ADAM18: variants seen among roughly 807,000 people sequenced by gnomAD.
The protein encoded by ADAM18 is ADAM metallopeptidase domain 18.
ADAM18 carries 117 observed loss-of-function variants against 94.4 expected under a neutral mutation model. The ratio of observed to expected loss-of-function variants is 1.24; its 90% CI spans 1.07 to 1.45. The LOEUF (loss-of-function observed/expected upper bound fraction) is 1.45, where lower values mean the gene tolerates loss of function less well. ADAM18 is among the 40% of genes most tolerant of loss of function. The probability of loss-of-function intolerance (pLI) is 0.00; values close to 1 mark genes in which losing one functional copy is unlikely to be tolerated. For synonymous variants in ADAM18, 327 were observed against 291.6 expected (o/e 1.12, Z -1.24); for missense variants, 936 against 880.0 (o/e 1.06, Z -0.81).
chr8:39,693,490 T>G (rs1040901585), intron 17 of ADAM18, among the ~76,000 whole-genome samples: 28 of 151,246 alleles, frequency 1.9e-4, no homozygotes, highest in African/African-American at 6.8e-4. Context: ...TTACAATATC[T>G]CAACACAAAG....
chr8:39,625,400 T>C (rs535921023), intron 6 of ADAM18, among the ~76,000 whole-genome samples: 2 of 152,308 alleles, frequency 1.3e-5, no homozygotes, highest in East Asian at 3.9e-4. Context: ...CCTGAGACTT[T>C]ACATAATTCA....
chr8:39,637,833 T>C, intron 9 of ADAM18, 130 bp downstream of exon 9: 1 of 723,972 alleles, frequency 1.4e-6, no homozygotes, highest in Non-Finnish European at 2.0e-6. Flanking sequence ...GTAGCCTTTG[T>C]CATAGAGGTG....
At chr8:39,680,958 C>A (rs1431038864) in intron 16 of ADAM18, among the ~76,000 whole-genome samples, 3 of 152,174 alleles carry the variant, frequency 2.0e-5, no homozygotes, top group South Asian at 4.1e-4. Flanking sequence ...ACCCTAATCC[C>A]TTGAGAAACC....
chr8:39,599,919 T>C (rs1457396572), intron 2 of ADAM18, among the ~76,000 whole-genome samples: 2 of 152,040 alleles, frequency 1.3e-5, no homozygotes, highest in Non-Finnish European at 2.9e-5. Context: ...TTCCTTTTCC[T>C]TGTGGTATTG....
In ADAM18 at chr8:39,701,245, G is replaced by T. The variant is rs1173263692; in HGVS notation, c.1903-5545G>T. ...TTTTTCTAAAAATATATATATTTCT[G>T]ATATATCTTATTTTTCTCATTCTTA... On this transcript the variant is annotated intron_variant, in intron 17 of 19. Transcript: ENST00000265707. Among the ~76,000 whole-genome samples the T allele has an allele frequency of 6.3e-5, 9 of 142,012 alleles. No individual in the cohort carries two copies. The Admixed American group carries it at 6.6e-4, about 10-fold the overall frequency. The allele number at this position is 142,012 out of a possible 152,430, so 93.2% of individuals were successfully genotyped here.
chr8:39,623,203 T>C (rs1321313573), intron 6 of ADAM18, among the ~76,000 whole-genome samples: 21 of 152,260 alleles, frequency 1.4e-4, no homozygotes, highest in Non-Finnish European at 7.3e-5. Flanking sequence ...TTCTTTTTTA[T>C]GGCTGAGTAG....
chr8:39,691,967 TAAAC>T (rs1821795680), intron 16 of ADAM18, among the ~76,000 whole-genome samples: 1 of 151,846 alleles, frequency 6.6e-6, no homozygotes, highest in African/African-American at 2.4e-5. Context: ...GTGAACGACT[TAAAC>T]AGATTTTATG....
chr8:39,676,719 T>G (rs913411364), intron 14 of ADAM18, among the ~76,000 whole-genome samples: 1 of 152,236 alleles, frequency 6.6e-6, no homozygotes, highest in Non-Finnish European at 1.5e-5. Context: ...ATCACCCATC[T>G]TCTGCATCGA....
chr8:39,670,102 A>G (rs1251193812), intron 14 of ADAM18, among the ~76,000 whole-genome samples: 1 of 152,142 alleles, frequency 6.6e-6, no homozygotes. Flanking sequence ...TTTTGGCTGC[A>G]TAAATGTCTT....
intron 2 of ADAM18, among the ~76,000 whole-genome samples, chr8:39,605,026 A>G (rs1332229544): frequency 2.0e-5 from 3 of 152,152 alleles, no homozygotes; most frequent in African/African-American, 7.2e-5. Context: ...TTAACTTAGT[A>G]GCTTACATTG....
intron 12 of ADAM18, among the ~76,000 whole-genome samples, chr8:39,663,555 C>T (rs549186596): frequency 1.6e-5 from 2 of 124,736 alleles, no homozygotes; most frequent in South Asian, 5.4e-4. Flanking sequence ...GTCATGATCA[C>T]ACCACTGCAT....
chr8:39,614,035 G>A (rs1301720388), intron 6 of ADAM18, among the ~76,000 whole-genome samples: 1 of 152,186 alleles, frequency 6.6e-6, no homozygotes, highest in Non-Finnish European at 1.5e-5. Flanking sequence ...GAGAGAGCAA[G>A]CAACTTGGAA....
chr8:39,677,612 T>C lies in ADAM18; in HGVS notation c.1631+76T>C, dbSNP rs889306284. ...TTTATCAAGAGACACTAAGTAGTAA[T>C]GAACACTAAAATTTTATAACATGGG... is the stretch of plus-strand genomic sequence containing the variant. On this transcript the variant is annotated intron_variant, in intron 15 of 19. Transcript: ENST00000265707. 5.9e-6 allele frequency: 6 copies of C among 1,008,546 alleles called. No homozygotes were observed. The South Asian group carries it at 8.9e-5, about 15-fold the overall frequency. The allele number at this position is 1,008,546 out of a possible 1,614,324, so 62.5% of individuals were successfully genotyped here.
At chr8:39,607,624 G>A (rs879469261) in intron 3 of ADAM18, among the ~76,000 whole-genome samples, 2 of 151,846 alleles carry the variant, frequency 1.3e-5, no homozygotes, top group East Asian at 1.9e-4. Context: ...TGTCTCCCCC[G>A]TAAAATACTT....
At chr8:39,620,357 C>CAAAAAAAAAAAAAAAAAAAAAAAAAAA (rs61555393) in intron 6 of ADAM18, among the ~76,000 whole-genome samples, 3 of 90,568 alleles carry the variant, frequency 3.3e-5, no homozygotes, top group Non-Finnish European at 6.2e-5. Flanking sequence ...GCAACAAAAG[C>CAAAAAAAAAAAAAAAAAAAAAAAAAAA]AAAAAAAAAA....
intron 3 of ADAM18, among the ~76,000 whole-genome samples, chr8:39,607,960 T>C (rs1190834923): frequency 2.6e-5 from 4 of 152,098 alleles, no homozygotes; most frequent in South Asian, 4.1e-4. Context: ...TCTGAGTACT[T>C]AGTTGATAAC....
At chr8:39,609,281 A>G (rs1486293746) in intron 4 of ADAM18, among the ~76,000 whole-genome samples, 161 bp downstream of exon 4, 2 of 152,158 alleles carry the variant, frequency 1.3e-5, no homozygotes, top group African/African-American at 4.8e-5. Flanking sequence ...CCCAGCTGCA[A>G]GCGAATACTC....
At chr8:39,601,439 G>A (rs896699489) in intron 2 of ADAM18, among the ~76,000 whole-genome samples, 1 of 152,122 alleles carries the variant, frequency 6.6e-6, no homozygotes, top group Non-Finnish European at 1.5e-5. Context: ...GCCTTCTTGA[G>A]GAATTGACAC....
chr8:39,630,356 TTATG>T (rs1220946075), intron 7 of ADAM18, among the ~76,000 whole-genome samples: 2 of 151,306 alleles, frequency 1.3e-5, no homozygotes, highest in African/African-American at 4.8e-5. Context: ...ACTACGTACA[TTATG>T]TATGTGTGTA....
Sources: gnomAD v4.1 joint callset for allele counts (sites outside exome capture counted in the v4.1 genomes callset) on GRCh38, gnomAD v4.1.1 for gene constraint, MANE v1.5 for transcripts, NCBI Gene and HGNC (gene_info 2026-07-23, HGNC 2026-07-21) for gene names.